SNX13: variants seen among roughly 807,000 people sequenced by gnomAD.
The protein encoded by SNX13 is sorting nexin 13.
A neutral mutation model predicts 133.6 loss-of-function variants in SNX13; 45 were observed. The observed-to-expected ratio is 0.34, with a 90% CI of 0.27 to 0.43. The LOEUF is 0.43. Among genes scored for constraint, SNX13 ranks in the 20% least tolerant of loss-of-function variants. The probability of loss-of-function intolerance (pLI) is 1.00; values close to 1 mark genes in which losing one functional copy is unlikely to be tolerated. For missense variants in SNX13, 1,032 were observed against 1,145.1 expected, an observed-to-expected ratio of 0.90 and a Z score of 1.43; for synonymous variants, 414 against 373.9, an observed-to-expected ratio of 1.11 and a Z score of -1.24.
At chr7:17,896,660 C>T (rs1269674553) in intron 2 of SNX13, among the ~76,000 whole-genome samples, 1 of 152,220 alleles carries the variant, frequency 6.6e-6, no homozygotes, top group East Asian at 1.9e-4. Context: ...CAACAAAAGA[C>T]TCATTTCAAC....
chr7:17,808,866 A>T (rs1230601060), intron 20 of SNX13, among the ~76,000 whole-genome samples: 2 of 152,192 alleles, frequency 1.3e-5, no homozygotes, highest in Non-Finnish European at 2.9e-5. Flanking sequence ...AAGCTTCATA[A>T]GTGAAGGAGA....
rs1019060292 is a variant in SNX13, at chr7:17,830,585, C to T, written c.1598-538G>A. On this transcript the variant is annotated intron_variant, in intron 15 of 25. Transcript: ENST00000428135. ...TCCAGATTTTTAAATCAATATATAA[C>T]AAAAAGACAGTTAAAACTGCATATG... 1.2e-5 allele frequency: 12 copies of T among 983,408 alleles called. No individual in the cohort carries two copies. In the African/African-American group the frequency reaches 2.1e-4, roughly 17 times the overall value. 60.9% of individuals were successfully genotyped at this position (983,408 alleles called of 1,614,324 possible). A position where few individuals can be genotyped will look rare whatever the true frequency, so the allele number is the denominator to read the frequency against.
intron 15 of SNX13, chr7:17,832,437 G>A (rs976522358): frequency 1.0e-6 from 1 of 984,286 alleles, no homozygotes; most frequent in African/African-American, 1.8e-5. Context: ...CAATTATTTG[G>A]TTATGACTTT....
chr7:17,920,723 T>A (rs980898967), intron 1 of SNX13, among the ~76,000 whole-genome samples: 18 of 152,206 alleles, frequency 1.2e-4, no homozygotes, highest in African/African-American at 4.3e-4. Flanking sequence ...AATTTCACTT[T>A]GATTCTCTAT....
At chr7:17,928,025 A>C (rs1051682672) in intron 1 of SNX13, among the ~76,000 whole-genome samples, 7 of 152,230 alleles carry the variant, frequency 4.6e-5, no homozygotes, top group Admixed American at 2.0e-4. Flanking sequence ...TAAAAGTCCT[A>C]ATATTTACAA....
chr7:17,885,989 GAATAT>G (rs1274945145), intron 5 of SNX13, among the ~76,000 whole-genome samples: 3 of 152,012 alleles, frequency 2.0e-5, no homozygotes, highest in Non-Finnish European at 4.4e-5. Context: ...ATATAGCAAA[GAATAT>G]AAAATGGTAA....
chr7:17,816,820 A>G (rs1413572488), intron 18 of SNX13, among the ~76,000 whole-genome samples: 1 of 152,246 alleles, frequency 6.6e-6, no homozygotes, highest in Non-Finnish European at 1.5e-5. Context: ...ATCAAGAATG[A>G]CAGATTTGCA....
chr7:17,850,258 C>T (rs1051614478), intron 11 of SNX13, 89 bp downstream of exon 11: 16 of 708,960 alleles, frequency 2.3e-5, no homozygotes, highest in Admixed American at 1.2e-4. Flanking sequence ...CACTGGTAAA[C>T]GTCCTGCTTT....
intron 8 of SNX13, among the ~76,000 whole-genome samples, chr7:17,871,038 C>T (rs1794043849): frequency 6.6e-6 from 1 of 150,628 alleles, no homozygotes. Context: ...GGGAGTCTGG[C>T]TCTGTCGCCC....
At chr7:17,897,514 A>T (rs1797336967) in intron 1 of SNX13, 68 bp from the exon 2 acceptor site, 1 of 924,292 alleles carries the variant, frequency 1.1e-6, no homozygotes, top group Non-Finnish European at 1.6e-6. Flanking sequence ...AAGAACCAAC[A>T]AAACTTTTAC....
At chr7:17,906,239 G>GA (rs1798384348) in intron 1 of SNX13, among the ~76,000 whole-genome samples, 2 of 151,200 alleles carry the variant, frequency 1.3e-5, no homozygotes, top group East Asian at 1.9e-4. Flanking sequence ...AAATGAAAGA[G>GA]AAAAAAAATG....
At chr7:17,905,893 A>G (rs1374145127) in intron 1 of SNX13, among the ~76,000 whole-genome samples, 2 of 152,172 alleles carry the variant, frequency 1.3e-5, no homozygotes, top group Non-Finnish European at 2.9e-5. Flanking sequence ...GCAGCCTCCA[A>G]TTCTGAGACT....
chr7:17,860,758 T>A (rs1377749469), intron 9 of SNX13, among the ~76,000 whole-genome samples: 1 of 152,204 alleles, frequency 6.6e-6, no homozygotes, highest in Admixed American at 6.5e-5. Flanking sequence ...TCTATGCAGA[T>A]CATTTGAGTA....
At chr7:17,900,828 G>A (rs375387750) in intron 1 of SNX13, among the ~76,000 whole-genome samples, 14 of 152,040 alleles carry the variant, frequency 9.2e-5, no homozygotes, top group East Asian at 7.8e-4. Flanking sequence ...GGTAGCTAAG[G>A]TGCAACACAA....
At chr7:17,826,299 A>C (rs2128306061) in intron 16 of SNX13, among the ~76,000 whole-genome samples, 1 of 152,084 alleles carries the variant, frequency 6.6e-6, no homozygotes, top group East Asian at 1.9e-4. Context: ...ACAATAACAA[A>C]AAATTTAGTA....
chr7:17,794,526 A>G (rs535795265), intron 25 of SNX13: 5 of 431,240 alleles, frequency 1.2e-5, no homozygotes, highest in East Asian at 1.1e-4. Context: ...CAGGTGTAAG[A>G]GATAAAAAAT....
chr7:17,796,863 C>T lies in SNX13; in HGVS notation c.2590G>A (p.Val864Ile), dbSNP rs1562642733. The change falls in exon 25 of 26, where the codon GTA (valine) becomes ATA (isoleucine). Residue 864 changes from valine to isoleucine, a missense_variant. By Grantham distance (29) the Val-to-Ile change is conservative (BLOSUM62 3). Transcript: ENST00000428135. ...GCAAGTAATTTCGTTTTTCCTGCTA[C>T]TCTTGTTCTCATTCGAATACTTTTA... is the stretch of plus-strand genomic sequence containing the variant. Reference protein sequence around the residue: ...RDKSIRMRTRVAGKTKLLAIM... With the variant: ...RDKSIRMRTRIAGKTKLLAIM... 3 of 1,611,058 alleles carry T rather than the reference C, an allele frequency of 1.9e-6. No individual in the cohort carries two copies. Among genetic ancestry groups the T allele is most frequent in the East Asian group, 2.2e-5 (1 of 44,794 alleles).
intron 12 of SNX13, among the ~76,000 whole-genome samples, chr7:17,841,711 C>G (rs953464036): frequency 2.0e-5 from 3 of 151,570 alleles, no homozygotes; most frequent in Admixed American, 2.0e-4. Context: ...TAGATGAAGA[C>G]TTTAAAACAA....
chr7:17,814,188 T>C (rs1321760474), intron 20 of SNX13, among the ~76,000 whole-genome samples: 5 of 152,194 alleles, frequency 3.3e-5, no homozygotes, highest in Non-Finnish European at 7.3e-5. Flanking sequence ...ATTCACATAA[T>C]GCTCTAATGA....
Sources: allele counts gnomAD v4.1 joint callset (sites outside exome capture counted in the v4.1 genomes callset), GRCh38; gene constraint gnomAD v4.1.1; transcripts MANE v1.5; gene names NCBI Gene and HGNC (gene_info 2026-07-23, HGNC 2026-07-21).